LRCH4: variants seen among roughly 807,000 people sequenced by gnomAD.
LRCH4 encodes leucine rich repeats and calponin homology domain containing 4.
A neutral mutation model predicts 81.2 loss-of-function variants in LRCH4; 56 were observed. That is an observed-to-expected ratio of 0.69 (90% CI 0.56 to 0.86). The LOEUF is 0.86. Ranked by LOEUF, LRCH4 falls within the 40% of genes least tolerant of loss-of-function variation. The pLI is 0.00. For missense variants in LRCH4, 895 were observed against 922.8 expected (o/e 0.97, Z 0.39); for synonymous variants, 442 against 409.7 (o/e 1.08, Z -0.95).
At position 100,582,303 on chromosome 7, in the gene LRCH4, C is replaced by T. The variant is rs201046286; in HGVS notation, c.365+12G>A. On this transcript the variant is annotated intron_variant, in intron 2 of 17. Transcript: ENST00000310300. The surrounding 1 kb of genome is among the most constrained non-coding windows in gnomAD (Gnocchi z 5.0). ...CACACGCTCCCACGTGGCCCTGGCT[C>T]GGCCTCCCTACCTGAGGTTGAGGTA... 1.9e-5 allele frequency: 30 copies of T among 1,614,098 alleles called. No individual in the cohort carries two copies. Among genetic ancestry groups the T allele is most frequent in the Admixed American group, 1.8e-4 (11 of 60,030 alleles).
Position 100,578,979 on chromosome 7 carries a change from C to A in LRCH4, c.599-193G>T. The A allele has an allele frequency of 1.6e-6, 1 of 611,526 alleles. No homozygotes were observed. The highest frequency in any genetic ancestry group is 2.1e-5 in the South Asian group (1 of 48,362). 37.9% of individuals were successfully genotyped at this position (611,526 alleles called of 1,614,324 possible). The stretch of plus-strand genomic sequence containing the variant: ...ACATGATTCTGGTCCACGGTCTAAG[C>A]GAGCCTCCCTGAGAGGGCCCATCTG... On this transcript the variant is annotated intron_variant, in intron 4 of 17. Transcript: ENST00000310300. This position sits in a 1 kb window ranked among gnomAD's most constrained non-coding sequence, Gnocchi z 5.7.
rs141548945 is a variant in LRCH4, at chr7:100,582,431, C to A, written c.249G>T (p.Val83=). 50 of 1,611,952 alleles carry A rather than the reference C, an allele frequency of 3.1e-5. No homozygotes were observed. The highest frequency in any genetic ancestry group is 1.7e-5 in the Non-Finnish European group (20 of 1,179,964). Residue 83 remains valine (V), a synonymous_variant, in exon 2 of 18, where the codon GTG becomes GTT. Coordinates refer to ENST00000310300, the MANE Select transcript of LRCH4 (RefSeq NM_002319.5). The surrounding 1 kb of genome is among the most constrained non-coding windows in gnomAD (Gnocchi z 5.0). ...ACACCAGCTGGCACGCCGCCTCGGG[C>A]ACCTCGGGAAACCGGTTCCGGGACA... ...ADLSRNRFPE[V]PEAACQLVSL...
At position 100,584,116 on chromosome 7, in the gene LRCH4, G is replaced by C; in HGVS notation, c.221-1657C>G. 3 of 456,438 alleles carry C rather than the reference G, an allele frequency of 6.6e-6. No homozygotes were observed. The Admixed American group carries it at 7.1e-5, about 11-fold the overall frequency. 28.3% of individuals were successfully genotyped at this position (456,438 alleles called of 1,614,324 possible). On this transcript the variant is annotated intron_variant, in intron 1 of 17. Coordinates refer to ENST00000310300, the MANE Select transcript of LRCH4 (RefSeq NM_002319.5). Reference sequence around the variant, plus strand: ...AGACACTCAGAAAGAGATGGGAGACGGGAGGGGAAGGCTCAAGGCAGTCCG... The same window carrying C: ...AGACACTCAGAAAGAGATGGGAGACCGGAGGGGAAGGCTCAAGGCAGTCCG...
chr7:100,585,593 G>A (rs1801707901), intron 1 of LRCH4, among the ~76,000 whole-genome samples: 1 of 152,174 alleles, frequency 6.6e-6, no homozygotes, highest in Non-Finnish European at 1.5e-5. Flanking sequence ...CCAACCAGGT[G>A]AGGGGCGGGA....
chr7:100,586,024 G>A lies in LRCH4; in HGVS notation c.77C>T (p.Pro26Leu), dbSNP rs1365896901. The A allele has an allele frequency of 1.9e-6, 3 of 1,603,730 alleles. No homozygotes were observed. The highest frequency in any genetic ancestry group is 3.4e-5 in the Admixed American group (2 of 58,788). The change falls in exon 1 of 18, where the codon CCA (proline) becomes CTA (leucine). Residue 26 changes from proline (P) to leucine (L), a missense_variant. This residue lies in a region of LRCH4 where 360 missense variants were observed against 397.0 expected (regional missense o/e 0.91). Transcript: ENST00000310300. ...AAATTSVPGS[P>L]GLPGRRSAER... is the part of the protein sequence containing the mutation. ...TGCACTGCGTCTCCCCGGCAGACCT[G>A]GAGACCCGGGCACGGAGGTCGTGGC...
intron 1 of LRCH4, chr7:100,585,007 C>A (rs947250658): frequency 4.0e-5 from 14 of 349,270 alleles, no homozygotes; most frequent in Non-Finnish European, 7.4e-5. Flanking sequence ...TCCCCCACCC[C>A]CTACCATCCA....
chr7:100,578,850 C>T lies in LRCH4; in HGVS notation c.599-64G>A. The T allele has an allele frequency of 6.4e-7, 1 of 1,563,510 alleles. No individual in the cohort carries two copies. The highest frequency in any genetic ancestry group is 8.7e-7 in the Non-Finnish European group (1 of 1,151,004). On this transcript the variant is annotated intron_variant, in intron 4 of 17. Coordinates refer to ENST00000310300, the MANE Select transcript of LRCH4 (RefSeq NM_002319.5). This position sits in a 1 kb window ranked among gnomAD's most constrained non-coding sequence, Gnocchi z 5.7. ...CAGGGCTGTGGCCTCGTGCTCACTC[C>T]CTCACCCTTGGCTCCAGCTGGCCAG...
chr7:100,585,967 C>T lies in LRCH4; in HGVS notation c.134G>A (p.Gly45Glu). The change falls in exon 1 of 18, where the codon GGG (glycine) becomes GAG (glutamate). Residue 45 changes from glycine to glutamate, a missense_variant. Gly to Glu is a moderately conservative substitution (Grantham distance 98, BLOSUM62 -2). Coordinates refer to ENST00000310300, the MANE Select transcript of LRCH4 (RefSeq NM_002319.5). Reference protein sequence around the residue: ...ERALEEAVATGTLNLSNRRLK... With the variant: ...ERALEEAVATETLNLSNRRLK... ...GCGCCGGTTAGACAGGTTCAGGGTC[C>T]CGGTGGCCACGGCCTCCTCTAGGGC... The T allele has an allele frequency of 6.2e-7, 1 of 1,612,396 alleles. No individual in the cohort carries two copies. Among genetic ancestry groups the T allele is most frequent in the Non-Finnish European group, 8.5e-7 (1 of 1,179,120 alleles).
Position 100,578,934 on chromosome 7 carries a change from A to G in LRCH4, c.599-148T>C. The G allele has an allele frequency of 1.4e-6, 1 of 738,436 alleles. No homozygotes were observed. Among genetic ancestry groups the G allele is most frequent in the Non-Finnish European group, 2.2e-6 (1 of 456,312 alleles). The allele number at this position is 738,436 out of a possible 1,614,324, so 45.7% of individuals were successfully genotyped here. A position where few individuals can be genotyped will look rare whatever the true frequency, so the allele number is the denominator to read the frequency against. ...TGGCTCAAGTCATTCCCCGGGAGAA[A>G]CCTCCCTGCTCCTCTCTCCACATGA... On this transcript the variant is annotated intron_variant, in intron 4 of 17. Coordinates refer to ENST00000310300, the MANE Select transcript of LRCH4 (RefSeq NM_002319.5). The surrounding 1 kb of genome is among the most constrained non-coding windows in gnomAD (Gnocchi z 5.7).
intron 1 of LRCH4, chr7:100,584,055 G>C (rs891068774): frequency 2.5e-5 from 11 of 441,400 alleles, no homozygotes; most frequent in Admixed American, 1.7e-4. Context: ...TAGTCCAAGG[G>C]AGATCAGGGA....
In LRCH4 at chr7:100,583,969, T is replaced by G. The variant is rs773597904; in HGVS notation, c.221-1510A>C. 1.3e-4 allele frequency: 45 copies of G among 353,022 alleles called. No individual in the cohort carries two copies. Among genetic ancestry groups the G allele is most frequent in the Non-Finnish European group, 2.5e-4 (43 of 174,926 alleles). 21.9% of individuals were successfully genotyped at this position (353,022 alleles called of 1,614,324 possible). ...GCACAGGATGTGGTCTGGGAGAGAA[T>G]GAGCTGCACTTCTCCTTTGCAAGAT... On this transcript the variant is annotated intron_variant, in intron 1 of 17. Coordinates refer to ENST00000310300, the MANE Select transcript of LRCH4 (RefSeq NM_002319.5). This position sits in a 1 kb window ranked among gnomAD's most constrained non-coding sequence, Gnocchi z 4.3.
chr7:100,585,853 G>C, intron 1 of LRCH4, 28 bp downstream of exon 1: 1 of 1,541,364 alleles, frequency 6.5e-7, no homozygotes, highest in Non-Finnish European at 8.8e-7. Flanking sequence ...GAGGGACCCG[G>C]TTGGGCCCGG....
Position 100,575,027 on chromosome 7 carries a change from C to G in LRCH4, c.*80G>C, listed in dbSNP as rs2131149034. 1 of 1,374,848 alleles carries G rather than the reference C, an allele frequency of 7.3e-7. No individual in the cohort carries two copies. Among genetic ancestry groups the G allele is most frequent in the African/African-American group, 1.4e-5 (1 of 69,158 alleles). The allele number at this position is 1,374,848 out of a possible 1,614,324, so 85.2% of individuals were successfully genotyped here. ...GTGTCTTTGGTTGGGGCTGAAGGCA[C>G]CGCAGGTGGGGTCGGGTGGAGCAGG... On this transcript the variant is annotated 3_prime_UTR_variant, in exon 18 of 18. Transcript: ENST00000310300. The surrounding 1 kb of genome is among the most constrained non-coding windows in gnomAD (Gnocchi z 5.3).
chr7:100,575,043 G>T lies in LRCH4; in HGVS notation c.*64C>A. ...CTGAAGGCACCGCAGGTGGGGTCGG[G>T]TGGAGCAGGGACCTTATAAATAGAG... is the stretch of plus-strand genomic sequence containing the variant. On this transcript the variant is annotated 3_prime_UTR_variant, in exon 18 of 18. Coordinates refer to ENST00000310300, the MANE Select transcript of LRCH4 (RefSeq NM_002319.5). This position sits in a 1 kb window ranked among gnomAD's most constrained non-coding sequence, Gnocchi z 5.3. The T allele has an allele frequency of 6.8e-7, 1 of 1,472,666 alleles. No homozygotes were observed. The highest frequency in any genetic ancestry group is 2.2e-5 in the Admixed American group (1 of 46,276). 91.2% of individuals were successfully genotyped at this position (1,472,666 alleles called of 1,614,324 possible).
Position 100,577,624 on chromosome 7 carries a change from C to T in LRCH4, c.1116+40G>A. 6.2e-7 allele frequency: 1 copy of T among 1,612,504 alleles called. No individual in the cohort carries two copies. Among genetic ancestry groups the T allele is most frequent in the South Asian group, 1.1e-5 (1 of 91,082 alleles). The stretch of plus-strand genomic sequence containing the variant: ...CCCACGCCTGCCCTGTCCCCTCCTC[C>T]AGCTCCCCTCCCTTGGGAGAGGCAT... On this transcript the variant is annotated intron_variant, in intron 9 of 17. Coordinates refer to ENST00000310300, the MANE Select transcript of LRCH4 (RefSeq NM_002319.5). The surrounding 1 kb of genome is among the most constrained non-coding windows in gnomAD (Gnocchi z 6.7).
chr7:100,577,049 A>G lies in LRCH4; in HGVS notation c.1364+37T>C, dbSNP rs1307375545. On this transcript the variant is annotated intron_variant, in intron 12 of 17. Transcript: ENST00000310300. The surrounding 1 kb of genome is among the most constrained non-coding windows in gnomAD (Gnocchi z 6.7). Reference sequence around the variant, plus strand: ...GAATTAGAGGGATGATGGTCATAGGAAGAGGAGTGGGGAGGGGATGCTGGC... The same window carrying G: ...GAATTAGAGGGATGATGGTCATAGGGAGAGGAGTGGGGAGGGGATGCTGGC... 1 of 1,613,928 alleles carries G rather than the reference A, an allele frequency of 6.2e-7. No individual in the cohort carries two copies. Among genetic ancestry groups the G allele is most frequent in the Non-Finnish European group, 8.5e-7 (1 of 1,179,930 alleles).
chr7:100,583,704 C>G lies in LRCH4; in HGVS notation c.221-1245G>C, dbSNP rs1388271639. ...CCCTTTCTCTTCCTCTCTGCCCAGC[C>G]CTGGTGCACAGACAGAAGCCCTGGC... On this transcript the variant is annotated intron_variant, in intron 1 of 17. Coordinates refer to ENST00000310300, the MANE Select transcript of LRCH4 (RefSeq NM_002319.5). This position sits in a 1 kb window ranked among gnomAD's most constrained non-coding sequence, Gnocchi z 4.3. Among the ~76,000 whole-genome samples the G allele has an allele frequency of 1.3e-5, 2 of 152,202 alleles. No individual in the cohort carries two copies. The highest frequency in any genetic ancestry group is 2.9e-5 in the Non-Finnish European group (2 of 68,032).
At chr7:100,576,445 A>G (rs1359381093) in intron 14 of LRCH4, 122 bp from the exon 15 acceptor site, 1 of 720,438 alleles carries the variant, frequency 1.4e-6, no homozygotes. Flanking sequence ...TTTTTATTTC[A>G]TGGAGATGGG....
chr7:100,578,625 G>C lies in LRCH4; in HGVS notation c.735+25C>G, dbSNP rs377423695. ...CCTGCCTAGCCACACCCCTGTCCTC[G>C]TGGCCCCCCAGGCACCCGCCTCACC... is the stretch of plus-strand genomic sequence containing the variant. On this transcript the variant is annotated intron_variant, in intron 5 of 17. Transcript: ENST00000310300. The surrounding 1 kb of genome is among the most constrained non-coding windows in gnomAD (Gnocchi z 5.7). 97 of 1,609,918 alleles carry C rather than the reference G, an allele frequency of 6.0e-5. No individual in the cohort carries two copies. The highest frequency in any genetic ancestry group is 8.0e-5 in the Non-Finnish European group (94 of 1,177,386).
Sources: allele counts gnomAD v4.1 joint callset (sites outside exome capture counted in the v4.1 genomes callset), GRCh38; gene constraint gnomAD v4.1.1; regional missense constraint gnomAD v4.1.1; non-coding constraint Gnocchi (gnomAD v3.1); transcripts MANE v1.5; gene names NCBI Gene and HGNC (gene_info 2026-07-23, HGNC 2026-07-21).